Variants in EFCAB11 observed in about 807,000 individuals in gnomAD.
The protein encoded by EFCAB11 is EF-hand calcium-binding domain-containing protein 11.
EFCAB11 carries 14 observed loss-of-function variants against 23.0 expected under a neutral mutation model. The observed-to-expected ratio is 0.61, with a 90% CI of 0.40 to 0.95. The LOEUF is 0.95. Among genes scored for constraint, EFCAB11 ranks in the 40% least tolerant of loss-of-function variants. EFCAB11 has a pLI of 0.00. For missense variants in EFCAB11, 198 were observed against 195.8 expected (o/e 1.01, Z -0.07); for synonymous variants, 65 against 66.6 (o/e 0.98, Z 0.11).
At chr14:89,900,390 G>A (rs764699962) in intron 5 of EFCAB11, among the ~76,000 whole-genome samples, 2 of 152,082 alleles carry the variant, frequency 1.3e-5, no homozygotes, top group Non-Finnish European at 2.9e-5. Flanking sequence ...TGGCTAGAAT[G>A]GAATATTTTG....
chr14:89,826,320 G>A lies in EFCAB11; in HGVS notation c.411-28996C>T, dbSNP rs373778462. Among the ~76,000 whole-genome samples the A allele has an allele frequency of 4.3e-4, 65 of 151,880 alleles. No individual in the cohort carries two copies. The South Asian group carries it at 0.013, about 30-fold the overall frequency. On this transcript the variant is annotated intron_variant, in intron 5 of 5. Transcript: ENST00000316738. ...TAGGGAATATGAAATATGAAGGATG[G>A]GTAACAGTCATACATGCCAAGGGAA...
At chr14:89,891,940 C>T (rs1373514691) in intron 5 of EFCAB11, among the ~76,000 whole-genome samples, 1 of 151,976 alleles carries the variant, frequency 6.6e-6, no homozygotes, top group Admixed American at 6.6e-5. Flanking sequence ...GCGCCGAGTG[C>T]TACCGCCGCG....
At chr14:89,949,439 A>T (rs1891087770) in intron 3 of EFCAB11, among the ~76,000 whole-genome samples, 1 of 152,152 alleles carries the variant, frequency 6.6e-6, no homozygotes, top group Non-Finnish European at 1.5e-5. Context: ...ATCTCAGCTC[A>T]TTGCAATCTC....
At chr14:89,835,585 C>CGTGTGTGTGTATGT (rs1887047891) in intron 5 of EFCAB11, among the ~76,000 whole-genome samples, 1 of 93,344 alleles carries the variant, frequency 1.1e-5, no homozygotes, top group African/African-American at 4.6e-5. Context: ...GGATGCTCAA[C>CGTGTGTGTGTATGT]GTGTGTGTGT....
chr14:89,800,564 A>G (rs1169143183), intron 5 of EFCAB11, among the ~76,000 whole-genome samples: 1 of 152,232 alleles, frequency 6.6e-6, no homozygotes, highest in Non-Finnish European at 1.5e-5. Flanking sequence ...AGACACATAT[A>G]CAGACTATCT....
At chr14:89,875,198 A>G (rs1888398513) in intron 5 of EFCAB11, among the ~76,000 whole-genome samples, 1 of 152,216 alleles carries the variant, frequency 6.6e-6, no homozygotes, top group African/African-American at 2.4e-5. Flanking sequence ...GGAATTAAAC[A>G]GACAAATTAC....
rs1566776959 is a variant in EFCAB11 at position 89,834,397 on chromosome 14, A to AC, written c.411-37074_411-37073insG. 6.9e-4 allele frequency among the ~76,000 whole-genome samples: 104 copies of AC among 150,586 alleles called. 1 individual carries two copies. Among genetic ancestry groups the AC allele is most frequent in the African/African-American group, 2.1e-3 (87 of 40,770 alleles). ...TCTCAAAAAAAAAAAAAAAAAAAAA[A>AC]AAAAAACCTTTTTGTTTAAACTTCT... On this transcript the variant is annotated intron_variant, in intron 5 of 5. Transcript: ENST00000316738.
At chr14:89,924,937 G>C (rs1890142468) in intron 5 of EFCAB11, among the ~76,000 whole-genome samples, 1 of 152,216 alleles carries the variant, frequency 6.6e-6, no homozygotes, top group Admixed American at 6.5e-5. Flanking sequence ...GGACAGTGGC[G>C]ATTACAGATA....
chr14:89,924,799 T>C, intron 5 of EFCAB11: 1 of 1,091,210 alleles, frequency 9.2e-7, no homozygotes, highest in Non-Finnish European at 1.3e-6. Context: ...TAAAGGACTC[T>C]TTCCTAGTTT....
rs966953880 is a variant in EFCAB11, at chr14:89,795,555, T to C, written c.*1688A>G. The C allele has an allele frequency of 6.6e-6, 1 of 151,700 alleles. No individual in the cohort carries two copies. Among genetic ancestry groups the C allele is most frequent in the African/African-American group, 2.4e-5 (1 of 41,286 alleles). The allele number at this position is 151,700 out of a possible 1,614,324, so 9.4% of individuals were successfully genotyped here. A position where few individuals can be genotyped will look rare whatever the true frequency, so the allele number is the denominator to read the frequency against. On this transcript the variant is annotated 3_prime_UTR_variant, in exon 6 of 6. Transcript: ENST00000316738. Reference sequence around the variant, plus strand: ...GGCGGTACACACCTGTAAACCCAGATACTCAGGAGGCTAAGGCAGGAGAAT... The same window carrying C: ...GGCGGTACACACCTGTAAACCCAGACACTCAGGAGGCTAAGGCAGGAGAAT...
chr14:89,884,530 T>C (rs1299384816), intron 5 of EFCAB11, among the ~76,000 whole-genome samples: 1 of 152,114 alleles, frequency 6.6e-6, no homozygotes, highest in Non-Finnish European at 1.5e-5. Flanking sequence ...CTTTTATTTA[T>C]CACTATGTGG....
chr14:89,923,954 A>G, intron 5 of EFCAB11: 1 of 985,108 alleles, frequency 1.0e-6, no homozygotes, highest in South Asian at 4.7e-5. Context: ...TTAGGCCCTC[A>G]GCTCTGTAAG....
intron 5 of EFCAB11, among the ~76,000 whole-genome samples, chr14:89,915,376 G>A (rs1013688862): frequency 1.3e-5 from 2 of 152,222 alleles, no homozygotes; most frequent in East Asian, 3.9e-4. Context: ...CAAAAACTAC[G>A]AAAAATAACG....
intron 5 of EFCAB11, among the ~76,000 whole-genome samples, chr14:89,802,405 A>G (rs1308716241): frequency 1.3e-5 from 2 of 152,044 alleles, no homozygotes; most frequent in Non-Finnish European, 2.9e-5. Context: ...TAATTAATTT[A>G]TTTAGAGACA....
intron 5 of EFCAB11, among the ~76,000 whole-genome samples, chr14:89,901,836 A>G (rs1332061477): frequency 6.6e-6 from 1 of 152,176 alleles, no homozygotes; most frequent in Non-Finnish European, 1.5e-5. Context: ...CCAAAATCTG[A>G]AACTTTTTGA....
intron 5 of EFCAB11, chr14:89,833,054 T>C (rs1322898245): frequency 1.3e-5 from 2 of 152,208 alleles, no homozygotes; most frequent in East Asian, 1.9e-4. Context: ...TGTTACCATA[T>C]CATTTTTAAA....
At chr14:89,892,868 C>T (rs1295493323) in intron 5 of EFCAB11, among the ~76,000 whole-genome samples, 4 of 152,084 alleles carry the variant, frequency 2.6e-5, no homozygotes, top group African/African-American at 9.7e-5. Context: ...TGCCACTGCA[C>T]TCCAGCCTGG....
At chr14:89,847,616 G>C (rs530805787) in intron 5 of EFCAB11, among the ~76,000 whole-genome samples, 1 of 152,118 alleles carries the variant, frequency 6.6e-6, no homozygotes, top group South Asian at 2.1e-4. Flanking sequence ...GCACATGCCT[G>C]TAATTCCAGC....
At chr14:89,916,181 A>AAAAGAAAG (rs1427892857) in intron 5 of EFCAB11, among the ~76,000 whole-genome samples, 4 of 151,532 alleles carry the variant, frequency 2.6e-5, no homozygotes, top group Non-Finnish European at 5.9e-5. Context: ...AAAAAAGAAA[A>AAAAGAAAG]AAACAACAAA....
Sources: gnomAD v4.1 joint callset for allele counts (sites outside exome capture counted in the v4.1 genomes callset) on GRCh38, gnomAD v4.1.1 for gene constraint, MANE v1.5 for transcripts, NCBI Gene and HGNC (gene_info 2026-07-23, HGNC 2026-07-21) for gene names.